The following VIT variants were observed in gnomAD, a reference collection of about 807,000 sequenced individuals.
VIT encodes vitrin.
VIT carries 99 observed loss-of-function variants against 78.0 expected under a neutral mutation model. That is an observed-to-expected ratio of 1.27 (90% confidence interval 1.08 to 1.50). The LOEUF (loss-of-function observed/expected upper bound fraction) is 1.50, where lower values mean the gene tolerates loss of function less well. VIT is among the 40% of genes most tolerant of loss of function. VIT has a pLI of 0.00. For missense variants in VIT, 1,126 were observed against 875.3 expected, an observed-to-expected ratio of 1.29 and a Z score of -3.61; for synonymous variants, 374 against 334.3, an observed-to-expected ratio of 1.12 and a Z score of -1.29.
intron 12 of VIT, among the ~76,000 whole-genome samples, chr2:36,790,557 A>T (rs761343556): frequency 1.3e-5 from 2 of 152,188 alleles, no homozygotes; most frequent in African/African-American, 2.4e-5. Context: ...TACCACACTC[A>T]TCACACGCCT....
intron 1 of VIT, among the ~76,000 whole-genome samples, chr2:36,714,760 TA>T: frequency 6.6e-6 from 1 of 152,322 alleles, no homozygotes; most frequent in East Asian, 1.9e-4. Flanking sequence ...GGACCACGGT[TA>T]TGACATTTAA....
chr2:36,712,466 G>C (rs1438517735), intron 1 of VIT, among the ~76,000 whole-genome samples: 1 of 152,182 alleles, frequency 6.6e-6, no homozygotes. Context: ...GGGTTTGTTT[G>C]TTGATTAACA....
intron 15 of VIT, 128 bp downstream of exon 15, chr2:36,809,113 G>C: frequency 7.7e-7 from 1 of 1,299,848 alleles, no homozygotes; most frequent in East Asian, 2.5e-5. Flanking sequence ...AATGTTCAAA[G>C]CCGCAGGGAG....
chr2:36,720,186 C>T (rs899197884), intron 2 of VIT, among the ~76,000 whole-genome samples: 2 of 152,044 alleles, frequency 1.3e-5, no homozygotes, highest in Non-Finnish European at 2.9e-5. Flanking sequence ...AAGGCCAAAG[C>T]AATCCTGAGC....
intron 14 of VIT, among the ~76,000 whole-genome samples, chr2:36,808,080 T>A (rs1010707829): frequency 6.6e-6 from 1 of 152,218 alleles, no homozygotes; most frequent in African/African-American, 2.4e-5. Context: ...CGAACTGGAA[T>A]AAAAGCTTTC....
chr2:36,808,182 G>A (rs910720991), intron 14 of VIT, among the ~76,000 whole-genome samples: 3 of 152,198 alleles, frequency 2.0e-5, no homozygotes, highest in African/African-American at 7.2e-5. Flanking sequence ...TAAATGTGAA[G>A]CTGACACCAG....
At chr2:36,702,473 G>T (rs569640563) in intron 1 of VIT, among the ~76,000 whole-genome samples, 6 of 152,140 alleles carry the variant, frequency 3.9e-5, no homozygotes, top group Non-Finnish European at 1.5e-5. Flanking sequence ...TCATTAACAT[G>T]TATGTAATAC....
chr2:36,740,612 G>A (rs146415012), intron 3 of VIT, among the ~76,000 whole-genome samples: 76 of 151,986 alleles, frequency 5.0e-4, no homozygotes, highest in Admixed American at 1.2e-3. Context: ...TTTTTCCCCC[G>A]TGGGACAAAT....
intron 1 of VIT, among the ~76,000 whole-genome samples, chr2:36,706,359 G>A (rs1192468558): frequency 6.6e-6 from 1 of 152,120 alleles, no homozygotes; most frequent in Non-Finnish European, 1.5e-5. Flanking sequence ...AAAGCTGCAG[G>A]AAACAGAAAC....
intron 7 of VIT, among the ~76,000 whole-genome samples, chr2:36,768,169 C>G (rs150032983): frequency 6.6e-6 from 1 of 152,136 alleles, no homozygotes; most frequent in African/African-American, 2.4e-5. Flanking sequence ...CGGTGGCTCA[C>G]GCCTGTAATC....
intron 12 of VIT, among the ~76,000 whole-genome samples, chr2:36,796,959 C>T (rs1665946482): frequency 1.3e-5 from 2 of 152,070 alleles, no homozygotes; most frequent in African/African-American, 4.8e-5. Context: ...AAAAATTTTA[C>T]TATTAATGTT....
At chr2:36,759,144 A>G in intron 6 of VIT, 98 bp downstream of exon 6, 1 of 1,610,136 alleles carries the variant, frequency 6.2e-7, no homozygotes, top group Non-Finnish European at 8.5e-7. Flanking sequence ...TAACCGGTCA[A>G]GCTCCACTGG....
chr2:36,752,836 A>G (rs1668543924), intron 4 of VIT, among the ~76,000 whole-genome samples: 1 of 152,236 alleles, frequency 6.6e-6, no homozygotes, highest in Non-Finnish European at 1.5e-5. Flanking sequence ...ATACCATTTG[A>G]CCCAGCAATC....
chr2:36,807,337 C>T (rs1224078118), intron 14 of VIT, among the ~76,000 whole-genome samples: 2 of 152,168 alleles, frequency 1.3e-5, no homozygotes, highest in African/African-American at 2.4e-5. Context: ...TGACCCCCCA[C>T]AGCCCTGTGT....
intron 11 of VIT, among the ~76,000 whole-genome samples, chr2:36,783,822 A>G (rs1428752546): frequency 6.6e-6 from 1 of 152,220 alleles, no homozygotes; most frequent in Non-Finnish European, 1.5e-5. Flanking sequence ...TGGAGGTTCG[A>G]GAGAGGGAGA....
chr2:36,743,655 A>G (rs1435620344), intron 4 of VIT, among the ~76,000 whole-genome samples: 2 of 152,192 alleles, frequency 1.3e-5, no homozygotes, highest in Non-Finnish European at 2.9e-5. Flanking sequence ...TGAGAGTCAT[A>G]GAGCTTAAAT....
At chr2:36,807,531 A>G (rs78286717) in intron 14 of VIT, among the ~76,000 whole-genome samples, 1,705 of 152,322 alleles carry the variant, frequency 0.011, 33 homozygotes, top group African/African-American at 0.039. Flanking sequence ...TTACAAATCA[A>G]TTTTTGAAAA....
At chr2:36,711,113 C>T (rs1198239983) in intron 1 of VIT, among the ~76,000 whole-genome samples, 1 of 152,162 alleles carries the variant, frequency 6.6e-6, no homozygotes, top group South Asian at 2.1e-4. Context: ...CTCCAGGTTG[C>T]TTTTGCATGC....
intron 9 of VIT, among the ~76,000 whole-genome samples, chr2:36,775,421 T>C (rs149735021): frequency 5.3e-5 from 8 of 152,254 alleles, no homozygotes; most frequent in Admixed American, 2.6e-4. Flanking sequence ...ATACAGCACA[T>C]GGTTCGGATA....
Sources: gnomAD v4.1 joint callset for allele counts (sites outside exome capture counted in the v4.1 genomes callset) on GRCh38, gnomAD v4.1.1 for gene constraint, MANE v1.5 for transcripts, NCBI Gene and HGNC (gene_info 2026-07-23, HGNC 2026-07-21) for gene names.